MAML3: variants seen among roughly 807,000 people sequenced by gnomAD.
MAML3 encodes mastermind-like protein 3.
MAML3 carries 27 observed loss-of-function variants against 101.9 expected under a neutral mutation model. The ratio of observed to expected loss-of-function variants is 0.27; its 90% CI spans 0.20 to 0.37. The LOEUF (loss-of-function observed/expected upper bound fraction) is 0.37. Ranked by LOEUF, MAML3 falls within the 10% of genes least tolerant of loss-of-function variation. MAML3 has a pLI of 1.00. For synonymous variants in MAML3, 501 were observed against 555.9 expected (o/e 0.90, Z 1.39); for missense variants, 1,316 against 1,444.9 (o/e 0.91, Z 1.45).
intron 2 of MAML3, among the ~76,000 whole-genome samples, chr4:139,869,189 T>C (rs1731956420): frequency 6.6e-6 from 1 of 152,198 alleles, no homozygotes. Flanking sequence ...ATTTAGTATA[T>C]GGAAGTCAAA....
intron 2 of MAML3, among the ~76,000 whole-genome samples, chr4:139,800,610 G>A (rs1395069437): frequency 1.3e-5 from 2 of 152,164 alleles, no homozygotes; most frequent in African/African-American, 4.8e-5. Flanking sequence ...AGCAACGAAG[G>A]AGGCCTCCGT....
intron 2 of MAML3, among the ~76,000 whole-genome samples, chr4:139,749,850 C>A (rs1729446919): frequency 6.6e-6 from 1 of 151,292 alleles, no homozygotes; most frequent in Non-Finnish European, 1.5e-5. Context: ...ATCTCTTTGT[C>A]CCCCTTTCAA....
intron 1 of MAML3, among the ~76,000 whole-genome samples, chr4:140,110,536 TCTC>T (rs1313626521): frequency 1.3e-5 from 2 of 152,222 alleles, no homozygotes; most frequent in African/African-American, 4.8e-5. Flanking sequence ...TTGAGCAAAG[TCTC>T]ATTCATGCAG....
At chr4:139,725,455 A>G (rs560695741) in intron 4 of MAML3, among the ~76,000 whole-genome samples, 1 of 152,266 alleles carries the variant, frequency 6.6e-6, no homozygotes, top group East Asian at 1.9e-4. Flanking sequence ...TTACAATACT[A>G]TGTACCTTTG....
intron 1 of MAML3, among the ~76,000 whole-genome samples, chr4:140,125,682 T>C (rs1282824260): frequency 6.6e-6 from 1 of 152,080 alleles, no homozygotes; most frequent in African/African-American, 2.4e-5. Context: ...GGTCTCAAAC[T>C]CCTGACCTCA....
intron 2 of MAML3, among the ~76,000 whole-genome samples, chr4:139,829,020 A>AGGAC (rs746746675): frequency 3.1e-4 from 38 of 121,074 alleles, no homozygotes; most frequent in African/African-American, 1.2e-3. Flanking sequence ...GAAGGAAGGA[A>AGGAC]GGACGGACGG....
chr4:139,769,593 T>A (rs975722068), intron 2 of MAML3, among the ~76,000 whole-genome samples: 1 of 152,090 alleles, frequency 6.6e-6, no homozygotes, highest in Non-Finnish European at 1.5e-5. Flanking sequence ...ATGGTGAGTC[T>A]AAAGACCTTC....
chr4:139,757,012 G>C (rs4863686), intron 2 of MAML3, among the ~76,000 whole-genome samples: 128,082 of 152,090 alleles, frequency 0.84, 54,731 homozygotes, highest in Middle Eastern at 0.92. Context: ...CTTGCCCACT[G>C]CGCTCTGGTC....
At chr4:139,776,578 T>C (rs1049952955) in intron 2 of MAML3, among the ~76,000 whole-genome samples, 4 of 152,210 alleles carry the variant, frequency 2.6e-5, no homozygotes, top group Non-Finnish European at 5.9e-5. Context: ...GACTGAGGCT[T>C]TCCCTGAACA....
chr4:140,097,582 C>T (rs949690235), intron 1 of MAML3, among the ~76,000 whole-genome samples: 2 of 151,162 alleles, frequency 1.3e-5, no homozygotes, highest in Admixed American at 6.6e-5. Flanking sequence ...TTCCTGAAAC[C>T]GGATACTGAA....
At chr4:139,776,991 A>C (rs542159343) in intron 2 of MAML3, among the ~76,000 whole-genome samples, 1 of 152,306 alleles carries the variant, frequency 6.6e-6, no homozygotes, top group South Asian at 2.1e-4. Flanking sequence ...ATCCTGGAGG[A>C]AAAAAGGTTA....
chr4:139,962,022 C>G lies in MAML3; in HGVS notation c.469-71055G>C, dbSNP rs544738322. Among the ~76,000 whole-genome samples the G allele has an allele frequency of 3.9e-5, 6 of 152,180 alleles. No individual in the cohort carries two copies. In the East Asian group the frequency reaches 1.2e-3, roughly 29 times the overall value. ...TCCCAGCTACTTGAGAGGCTGGAGGCTCAGGTGGGAGGATTGCTTGAGCCC... is the reference window on the plus strand; with the variant it reads ...TCCCAGCTACTTGAGAGGCTGGAGGGTCAGGTGGGAGGATTGCTTGAGCCC... On this transcript the variant is annotated intron_variant, in intron 1 of 4. Coordinates refer to ENST00000509479, the MANE Select transcript of MAML3 (RefSeq NM_018717.5).
intron 1 of MAML3, among the ~76,000 whole-genome samples, chr4:139,947,027 A>C (rs963608002): frequency 1.2e-4 from 19 of 152,118 alleles, no homozygotes; most frequent in African/African-American, 4.1e-4. Context: ...GTTTTATTCT[A>C]AATATAGAGG....
intron 2 of MAML3, chr4:139,731,471 A>G (rs1453179575): frequency 6.8e-6 from 1 of 147,412 alleles, no homozygotes; most frequent in Non-Finnish European, 1.4e-5. Flanking sequence ...AAAAAAAATT[A>G]GCCAGACATG....
intron 1 of MAML3, among the ~76,000 whole-genome samples, chr4:139,945,754 T>C (rs1358180209): frequency 6.6e-6 from 1 of 152,270 alleles, no homozygotes; most frequent in African/African-American, 2.4e-5. Flanking sequence ...TTTAAATTGT[T>C]GAAATGCTTA....
At chr4:140,145,156 T>C (rs954220347) in intron 1 of MAML3, among the ~76,000 whole-genome samples, 7 of 152,158 alleles carry the variant, frequency 4.6e-5, no homozygotes, top group Non-Finnish European at 1.0e-4. Flanking sequence ...TGGAGAAAGA[T>C]GTTGGGAAAG....
intron 1 of MAML3, among the ~76,000 whole-genome samples, chr4:139,961,132 T>G (rs1560849810): frequency 2.0e-5 from 3 of 152,116 alleles, no homozygotes; most frequent in Non-Finnish European, 2.9e-5. Flanking sequence ...CCTGAAGAGG[T>G]GGCCTCTCTG....
At chr4:139,939,968 G>A (rs533961845) in intron 1 of MAML3, among the ~76,000 whole-genome samples, 1 of 152,082 alleles carries the variant, frequency 6.6e-6, no homozygotes, top group Non-Finnish European at 1.5e-5. Context: ...GTTTCACCAT[G>A]TTGGCCAGGC....
At chr4:139,959,288 C>A (rs969073948) in intron 1 of MAML3, among the ~76,000 whole-genome samples, 5 of 152,270 alleles carry the variant, frequency 3.3e-5, no homozygotes, top group South Asian at 4.1e-4. Flanking sequence ...TAGATCAGTG[C>A]GTTCAAGGAA....
Sources: allele counts gnomAD v4.1 joint callset (sites outside exome capture counted in the v4.1 genomes callset), GRCh38; gene constraint gnomAD v4.1.1; transcripts MANE v1.5; gene names NCBI Gene and HGNC (gene_info 2026-07-23, HGNC 2026-07-21).